TTC28: variants seen among roughly 807,000 people sequenced by gnomAD.
TTC28 encodes tetratricopeptide repeat domain 28.
A neutral mutation model predicts 198.0 loss-of-function variants in TTC28; 61 were observed. That is an observed-to-expected ratio of 0.31 (90% confidence interval 0.25 to 0.38). The LOEUF (loss-of-function observed/expected upper bound fraction) is 0.38, where lower values mean the gene tolerates loss of function less well. Among genes scored for constraint, TTC28 ranks in the 10% least tolerant of loss-of-function variants. The probability of loss-of-function intolerance (pLI) is 1.00; values close to 1 mark genes in which losing one functional copy is unlikely to be tolerated. For missense variants in TTC28, 2,678 were observed against 3,164.0 expected (o/e 0.85, Z 3.69); for synonymous variants, 1,171 against 1,297.8 (o/e 0.90, Z 2.10).
At chr22:28,401,307 G>C (rs2046905743) in intron 2 of TTC28, among the ~76,000 whole-genome samples, 1 of 152,042 alleles carries the variant, frequency 6.6e-6, no homozygotes, top group Non-Finnish European at 1.5e-5. Flanking sequence ...TCTTGATAAA[G>C]ACACATTCAT....
intron 1 of TTC28, among the ~76,000 whole-genome samples, chr22:28,650,685 C>A (rs1309140218): frequency 1.3e-5 from 2 of 152,132 alleles, no homozygotes; most frequent in Non-Finnish European, 2.9e-5. Context: ...GAGAGAGAAA[C>A]CTAGGTCTAA....
intron 2 of TTC28, among the ~76,000 whole-genome samples, chr22:28,627,247 C>T (rs2051090455): frequency 6.6e-6 from 1 of 151,956 alleles, no homozygotes; most frequent in South Asian, 2.1e-4. Flanking sequence ...AAATTATCTC[C>T]AATCCTTAAG....
intron 1 of TTC28, among the ~76,000 whole-genome samples, chr22:28,641,773 C>G (rs150126840): frequency 2.0e-5 from 3 of 151,800 alleles, no homozygotes; most frequent in Non-Finnish European, 4.4e-5. Flanking sequence ...CAGACAGAAG[C>G]AGAGGAATGC....
chr22:28,105,913 C>G, intron 7 of TTC28, 111 bp from the exon 8 acceptor site: 1 of 1,251,548 alleles, frequency 8.0e-7, no homozygotes, highest in Non-Finnish European at 1.1e-6. Flanking sequence ...TATAGAAGCT[C>G]TTAACTCCTC....
At chr22:28,634,303 A>C (rs1263963149) in intron 1 of TTC28, among the ~76,000 whole-genome samples, 2 of 152,078 alleles carry the variant, frequency 1.3e-5, no homozygotes, top group Non-Finnish European at 2.9e-5. Flanking sequence ...CGAGGTCAAG[A>C]GATTGAGACC....
chr22:28,635,623 T>C (rs2051257029), intron 1 of TTC28, among the ~76,000 whole-genome samples: 1 of 152,148 alleles, frequency 6.6e-6, no homozygotes, highest in Non-Finnish European at 1.5e-5. Flanking sequence ...AATTACTACA[T>C]ACATAGTAAA....
intron 5 of TTC28, among the ~76,000 whole-genome samples, chr22:28,220,417 G>C (rs1350628097): frequency 6.6e-6 from 1 of 152,228 alleles, no homozygotes; most frequent in East Asian, 1.9e-4. Context: ...AGCTAGACCT[G>C]GTTCTCATGT....
At chr22:28,097,486 C>T (rs190372088) in intron 10 of TTC28, among the ~76,000 whole-genome samples, 1 of 152,182 alleles carries the variant, frequency 6.6e-6, no homozygotes, top group African/African-American at 2.4e-5. Flanking sequence ...CAAGCTTTTC[C>T]CATCTTTTAA....
Position 27,983,104 on chromosome 22 carries a change from C to T in TTC28, c.6563G>A (p.Ser2188Asn), listed in dbSNP as rs1463666845. The change falls in exon 23 of 23, where the codon AGC becomes AAC. Residue 2188 changes from serine (S) to asparagine (N), a missense_variant. This residue lies in a region of TTC28 where 622 missense variants were observed against 656.0 expected (regional missense o/e 0.95). Coordinates refer to ENST00000397906, the MANE Select transcript of TTC28 (RefSeq NM_001145418.2). ...ERLQRSGGQV[S>N]KSNNPEDGVQ... is the part of the protein sequence containing the mutation. ...GCCGTCTTCAGGGTTATTACTCTTGCTCACCTGGCCGCCGCTCCTCTGAAG... is the reference window on the plus strand; with the variant it reads ...GCCGTCTTCAGGGTTATTACTCTTGTTCACCTGGCCGCCGCTCCTCTGAAG... 6.4e-7 allele frequency: 1 copy of T among 1,551,752 alleles called. No homozygotes were observed. The highest frequency in any genetic ancestry group is 8.7e-7 in the Non-Finnish European group (1 of 1,147,004).
chr22:28,004,179 G>T (rs1211860414), intron 14 of TTC28, among the ~76,000 whole-genome samples: 5 of 152,228 alleles, frequency 3.3e-5, no homozygotes, highest in African/African-American at 1.2e-4. Context: ...GGCAGATGCT[G>T]TTGCCAGGTG....
At chr22:28,600,242 A>G (rs2050616788) in intron 2 of TTC28, among the ~76,000 whole-genome samples, 1 of 151,542 alleles carries the variant, frequency 6.6e-6, no homozygotes. Context: ...AAAAAGATTG[A>G]AAACAAAAAA....
At chr22:28,081,605 C>G (rs1008427696) in intron 12 of TTC28, among the ~76,000 whole-genome samples, 2 of 151,816 alleles carry the variant, frequency 1.3e-5, no homozygotes, top group Admixed American at 6.6e-5. Flanking sequence ...TGATTCTCCC[C>G]CTTCAGCCTC....
intron 12 of TTC28, among the ~76,000 whole-genome samples, chr22:28,040,671 G>A (rs569084724): frequency 2.6e-5 from 4 of 152,068 alleles, no homozygotes; most frequent in Admixed American, 2.0e-4. Context: ...TTTGAAAACC[G>A]GTACAAGAAA....
chr22:28,563,169 G>A (rs929305415), intron 2 of TTC28, among the ~76,000 whole-genome samples: 1 of 151,910 alleles, frequency 6.6e-6, no homozygotes, highest in Non-Finnish European at 1.5e-5. Context: ...ACAAAAAATA[G>A]AATCTATAGA....
At chr22:28,093,944 G>A in intron 12 of TTC28, 136 bp downstream of exon 12, 1 of 866,618 alleles carries the variant, frequency 1.2e-6, no homozygotes, top group East Asian at 2.7e-5. Context: ...TGTTTCTGCT[G>A]CAGCAGCTGT....
intron 2 of TTC28, among the ~76,000 whole-genome samples, chr22:28,492,984 G>A (rs2048399360): frequency 6.7e-6 from 1 of 148,796 alleles, no homozygotes; most frequent in South Asian, 2.1e-4. Flanking sequence ...CCCAGAGATT[G>A]AGCACTGAAA....
In TTC28 at chr22:28,350,541, T is replaced by C. The variant is rs542670994; in HGVS notation, c.382-43898A>G. ...TTAGGTTACACTAGAAGATATTCCATACTTTGAGCTGTAAGGAACTCCCAT... is the reference window on the plus strand; with the variant it reads ...TTAGGTTACACTAGAAGATATTCCACACTTTGAGCTGTAAGGAACTCCCAT... On this transcript the variant is annotated intron_variant, in intron 2 of 22. Coordinates refer to ENST00000397906, the MANE Select transcript of TTC28 (RefSeq NM_001145418.2). Among the ~76,000 whole-genome samples, 6 of 152,316 alleles carry C rather than the reference T, an allele frequency of 3.9e-5. No homozygotes were observed. The East Asian group carries it at 1.2e-3, about 29-fold the overall frequency.
chr22:28,019,081 T>A (rs532832922), intron 13 of TTC28, among the ~76,000 whole-genome samples: 3 of 152,294 alleles, frequency 2.0e-5, no homozygotes, highest in Admixed American at 6.5e-5. Flanking sequence ...AGCAAAGCAG[T>A]CAGCTCCTTA....
At chr22:28,096,524 A>C in intron 10 of TTC28, 116 bp from the exon 11 acceptor site, 2 of 1,048,314 alleles carry the variant, frequency 1.9e-6, no homozygotes, top group Non-Finnish European at 2.8e-6. Context: ...ACTCTCCAAT[A>C]TGTGACAGAA....
Sources: allele counts gnomAD v4.1 joint callset (sites outside exome capture counted in the v4.1 genomes callset), GRCh38; gene constraint gnomAD v4.1.1; regional missense constraint gnomAD v4.1.1; transcripts MANE v1.5; gene names NCBI Gene and HGNC (gene_info 2026-07-23, HGNC 2026-07-21).